TEC: variants seen among roughly 807,000 people sequenced by gnomAD.
TEC encodes tyrosine-protein kinase Tec.
TEC carries 72 observed loss-of-function variants against 93.0 expected under a neutral mutation model. The observed-to-expected ratio is 0.77, with a 90% CI of 0.64 to 0.94. The LOEUF is 0.94. Ranked by LOEUF, TEC falls within the 40% of genes least tolerant of loss-of-function variation. The probability of loss-of-function intolerance (pLI) is 0.00; values close to 1 mark genes in which losing one functional copy is unlikely to be tolerated. For missense variants in TEC, 630 were observed against 757.9 expected (o/e 0.83, Z 1.98); for synonymous variants, 249 against 247.7 (o/e 1.01, Z -0.05).
chr4:48,225,268 G>A (rs1723410025), intron 2 of TEC, among the ~76,000 whole-genome samples: 1 of 151,986 alleles, frequency 6.6e-6, no homozygotes, highest in Admixed American at 6.6e-5. Flanking sequence ...TCTGCCTCCT[G>A]GCTCCAAGCA....
intron 2 of TEC, among the ~76,000 whole-genome samples, chr4:48,179,114 G>A (rs1269345917): frequency 1.3e-5 from 2 of 151,908 alleles, no homozygotes; most frequent in Admixed American, 6.6e-5. Context: ...CACCTGTCAT[G>A]TGTCAACAAC....
intron 1 of TEC, among the ~76,000 whole-genome samples, chr4:48,263,757 T>C (rs1238761104): frequency 3.9e-5 from 6 of 152,296 alleles, no homozygotes; most frequent in Non-Finnish European, 7.4e-5. Flanking sequence ...TCTATGCCAG[T>C]AATCTACGTA....
chr4:48,198,829 C>T (rs542931675), intron 2 of TEC, among the ~76,000 whole-genome samples: 5 of 152,174 alleles, frequency 3.3e-5, no homozygotes, highest in Admixed American at 2.0e-4. Flanking sequence ...TAAAAAAGGC[C>T]ACAGAGCCCT....
intron 1 of TEC, among the ~76,000 whole-genome samples, chr4:48,252,629 TG>T (rs998140717): frequency 2.0e-5 from 3 of 152,308 alleles, no homozygotes; most frequent in Admixed American, 2.0e-4. Context: ...GAGGTACTGA[TG>T]TAAGATAGAG....
chr4:48,208,133 CA>C (rs1289131668), intron 2 of TEC, among the ~76,000 whole-genome samples: 1 of 152,178 alleles, frequency 6.6e-6, no homozygotes, highest in Non-Finnish European at 1.5e-5. Context: ...GTGGGAGTGG[CA>C]GGTCTCCTCT....
intron 2 of TEC, among the ~76,000 whole-genome samples, chr4:48,180,135 GGC>G (rs1241994078): frequency 6.6e-6 from 1 of 152,100 alleles, no homozygotes; most frequent in African/African-American, 2.4e-5. Flanking sequence ...TGTACGGTTA[GGC>G]TGGTGCAAAA....
intron 9 of TEC, among the ~76,000 whole-genome samples, chr4:48,155,122 T>A (rs552205106): frequency 1.3e-5 from 2 of 152,304 alleles, no homozygotes; most frequent in South Asian, 4.1e-4. Flanking sequence ...CATAAAATCA[T>A]AAAGGTTTAT....
intron 14 of TEC, chr4:48,141,665 C>A: frequency 3.4e-6 from 1 of 294,164 alleles, no homozygotes; most frequent in East Asian, 5.9e-5. Flanking sequence ...TACCAATTGT[C>A]TTTTTTTTTT....
intron 1 of TEC, among the ~76,000 whole-genome samples, chr4:48,266,883 G>A (rs1222197404): frequency 6.6e-6 from 1 of 151,702 alleles, no homozygotes; most frequent in Non-Finnish European, 1.5e-5. Flanking sequence ...GCTTAGCTGT[G>A]AATTTTGATC....
At chr4:48,143,907 C>T (rs760493551) in intron 14 of TEC, among the ~76,000 whole-genome samples, 2 of 152,176 alleles carry the variant, frequency 1.3e-5, no homozygotes, top group Non-Finnish European at 2.9e-5. Context: ...CAATGTCTGT[C>T]TAAGGTGACT....
intron 1 of TEC, among the ~76,000 whole-genome samples, chr4:48,259,586 C>T (rs890637371): frequency 2.0e-5 from 3 of 151,870 alleles, no homozygotes; most frequent in Admixed American, 2.0e-4. Flanking sequence ...CGTGGTGGCA[C>T]ATGCCTATAG....
At chr4:48,151,739 G>T (rs1436299565) in intron 9 of TEC, among the ~76,000 whole-genome samples, 1 of 152,200 alleles carries the variant, frequency 6.6e-6, no homozygotes, top group Non-Finnish European at 1.5e-5. Flanking sequence ...CACCCGCCTT[G>T]ATCTCCCAAA....
intron 2 of TEC, among the ~76,000 whole-genome samples, chr4:48,210,647 A>G (rs1490454836): frequency 6.6e-6 from 1 of 152,216 alleles, no homozygotes; most frequent in Non-Finnish European, 1.5e-5. Context: ...AAACATCCAC[A>G]GCAGACGACC....
intron 2 of TEC, among the ~76,000 whole-genome samples, chr4:48,178,954 A>G (rs1436968327): frequency 2.0e-5 from 3 of 152,140 alleles, no homozygotes; most frequent in Admixed American, 2.0e-4. Flanking sequence ...CGAAAACATT[A>G]CTGATGATCA....
chr4:48,180,569 A>G (rs544914567), intron 2 of TEC, among the ~76,000 whole-genome samples: 1 of 152,302 alleles, frequency 6.6e-6, no homozygotes, highest in South Asian at 2.1e-4. Flanking sequence ...TTTTATTTTT[A>G]AAGGATAAGT....
chr4:48,170,508 G>T, intron 4 of TEC, 132 bp from the exon 5 acceptor site: 1 of 584,858 alleles, frequency 1.7e-6, no homozygotes. Context: ...TAGATCACAG[G>T]ACTCAGCATT....
In TEC at chr4:48,149,693, A is replaced by G; in HGVS notation, c.873-3T>C. The G allele has an allele frequency of 6.3e-7, 1 of 1,595,122 alleles. No individual in the cohort carries two copies. The highest frequency in any genetic ancestry group is 8.5e-7 in the Non-Finnish European group (1 of 1,174,364). On this transcript the variant is annotated splice_region_variant and splice_polypyrimidine_tract_variant and intron_variant, in intron 10 of 17. Coordinates refer to ENST00000381501, the MANE Select transcript of TEC (RefSeq NM_003215.3). Reference sequence around the variant, plus strand: ...GCCTAAAACCCGATGAACCTTCTCTAGAACAAAAATCAAAATGTGTCAGAA... The same window carrying G: ...GCCTAAAACCCGATGAACCTTCTCTGGAACAAAAATCAAAATGTGTCAGAA...
chr4:48,181,546 A>G (rs1394654272), intron 2 of TEC, among the ~76,000 whole-genome samples: 2 of 148,878 alleles, frequency 1.3e-5, no homozygotes, highest in Admixed American at 1.4e-4. Context: ...GGTGGTGCGC[A>G]CCTGTAGTCC....
chr4:48,258,749 T>C (rs1724412672), intron 1 of TEC, among the ~76,000 whole-genome samples: 1 of 151,942 alleles, frequency 6.6e-6, no homozygotes, highest in Admixed American at 6.6e-5. Flanking sequence ...TCAAAATCAC[T>C]TGGAAAATCT....
Sources: allele counts gnomAD v4.1 joint callset (sites outside exome capture counted in the v4.1 genomes callset), GRCh38; gene constraint gnomAD v4.1.1; transcripts MANE v1.5; gene names NCBI Gene and HGNC (gene_info 2026-07-23, HGNC 2026-07-21).